The following WWP1 variants were observed in gnomAD, a reference collection of about 807,000 sequenced individuals.
WWP1 encodes NEDD4-like E3 ubiquitin-protein ligase WWP1.
Under a neutral mutation model 130.6 loss-of-function variants are expected in WWP1, and 49 were observed. That is an observed-to-expected ratio of 0.38 (90% CI 0.30 to 0.48). The LOEUF (loss-of-function observed/expected upper bound fraction) is 0.48, where lower values mean the gene tolerates loss of function less well. Ranked by LOEUF, WWP1 falls within the 20% of genes least tolerant of loss-of-function variation. The probability of loss-of-function intolerance (pLI) is 0.99; values close to 1 mark genes in which losing one functional copy is unlikely to be tolerated. For synonymous variants in WWP1, 332 were observed against 367.8 expected (o/e 0.90, Z 1.11); for missense variants, 809 against 1,100.6 (o/e 0.74, Z 3.75).
At position 86,342,630 on chromosome 8, in the gene WWP1, C is replaced by G. The variant is rs1784547478; in HGVS notation, c.-415C>G. On this transcript the variant is annotated 5_prime_UTR_variant, in exon 1 of 25. Transcript: ENST00000517970. ...CCGGCGGGGAGGCGCGCGCTTAGGG[C>G]GCGGCGCCGGCGACGCGGCCACGCG... 1 of 221,488 alleles carries G rather than the reference C, an allele frequency of 4.5e-6. No individual in the cohort carries two copies. Among genetic ancestry groups the G allele is most frequent in the Admixed American group, 5.9e-5 (1 of 16,888 alleles). 13.7% of individuals were successfully genotyped at this position (221,488 alleles called of 1,614,324 possible).
chr8:86,455,305 A>G lies in WWP1; in HGVS notation c.2395-2616A>G, dbSNP rs1040750443. On this transcript the variant is annotated intron_variant, in intron 21 of 24. Transcript: ENST00000517970. ...TGTCTACTCTTACCACTTCTATTCA[A>G]TATTTTACCAAATACCCTAGCCAGT... Among the ~76,000 whole-genome samples the G allele has an allele frequency of 3.9e-5, 6 of 152,106 alleles. No homozygotes were observed. The East Asian group carries it at 5.8e-4, about 15-fold the overall frequency.
chr8:86,434,585 TTTA>T (rs1279940383), intron 14 of WWP1, among the ~76,000 whole-genome samples: 2 of 152,228 alleles, frequency 1.3e-5, no homozygotes, highest in African/African-American at 4.8e-5. Flanking sequence ...CAATGCCTTT[TTTA>T]TTGTTTTATT....
At chr8:86,441,606 G>A (rs774230655) in intron 17 of WWP1, among the ~76,000 whole-genome samples, 5 of 129,006 alleles carry the variant, frequency 3.9e-5, no homozygotes, top group Non-Finnish European at 8.0e-5. Flanking sequence ...CTCATGTGGC[G>A]TCAGTGGGCT....
At position 86,457,931 on chromosome 8, in the gene WWP1, G is replaced by T; in HGVS notation, c.2405G>T (p.Cys802Phe). ...GTGCTCATTTCCCAGGTTATGTTGT[G>T]TGGCATGCAGGAGGTTGACTTGGCA... ...FDEKELEVML[C>F]GMQEVDLADW... Residue 802 changes from cysteine (C) to phenylalanine (F), a missense_variant, in exon 22 of 25, where the codon TGT becomes TTT. This residue lies in a region of WWP1 where 450 missense variants were observed against 674.2 expected (regional missense o/e 0.67). Transcript: ENST00000517970. The T allele has an allele frequency of 6.2e-7, 1 of 1,613,106 alleles. No individual in the cohort carries two copies. Among genetic ancestry groups the T allele is most frequent in the South Asian group, 1.1e-5 (1 of 91,026 alleles).
intron 17 of WWP1, among the ~76,000 whole-genome samples, chr8:86,440,153 A>G (rs1586467516): frequency 6.6e-6 from 1 of 152,228 alleles, no homozygotes; most frequent in African/African-American, 2.4e-5. Flanking sequence ...ATGAGGAAAT[A>G]TGGTATTTTT....
intron 14 of WWP1, 44 bp downstream of exon 14, chr8:86,431,787 G>C (rs760345148): frequency 6.2e-7 from 1 of 1,605,858 alleles, no homozygotes; most frequent in Non-Finnish European, 8.5e-7. Flanking sequence ...TGCTTAGTGA[G>C]CACATGAGAT....
At chr8:86,395,030 G>A (rs1442369539) in intron 5 of WWP1, among the ~76,000 whole-genome samples, 1 of 150,608 alleles carries the variant, frequency 6.6e-6, no homozygotes, top group Non-Finnish European at 1.5e-5. Flanking sequence ...ACCAATAGCA[G>A]ATTTAATGAT....
chr8:86,457,453 A>G (rs971730639), intron 21 of WWP1, among the ~76,000 whole-genome samples: 1 of 151,986 alleles, frequency 6.6e-6, no homozygotes, highest in African/African-American at 2.4e-5. Context: ...CTATCTATCT[A>G]TCTAGATATA....
chr8:86,438,460 G>A (rs1810415417), intron 16 of WWP1, 125 bp from the exon 17 acceptor site: 2 of 689,898 alleles, frequency 2.9e-6, no homozygotes, highest in African/African-American at 1.8e-5. Flanking sequence ...CATCTCTTGA[G>A]TTAAAAGCAT....
chr8:86,430,538 A>G (rs537889501), intron 11 of WWP1, among the ~76,000 whole-genome samples, 159 bp from the exon 12 acceptor site: 7 of 152,106 alleles, frequency 4.6e-5, no homozygotes, highest in Admixed American at 1.3e-4. Context: ...TGCCCTCCCA[A>G]GGTGCTGAGA....
At chr8:86,363,836 T>A (rs1823810894) in intron 1 of WWP1, among the ~76,000 whole-genome samples, 2 of 150,718 alleles carry the variant, frequency 1.3e-5, no homozygotes, top group South Asian at 4.2e-4. Flanking sequence ...GTGGTCTTGC[T>A]GATTTTATTT....
At chr8:86,355,229 T>C (rs1039370342) in intron 1 of WWP1, among the ~76,000 whole-genome samples, 2 of 152,162 alleles carry the variant, frequency 1.3e-5, no homozygotes, top group African/African-American at 2.4e-5. Context: ...TGTTTTGAGG[T>C]GAACATAACT....
At chr8:86,382,824 A>T (rs932260137) in intron 5 of WWP1, among the ~76,000 whole-genome samples, 4 of 152,250 alleles carry the variant, frequency 2.6e-5, no homozygotes, top group African/African-American at 9.6e-5. Flanking sequence ...TTCACTAAAA[A>T]TAGGCTCTTG....
At chr8:86,424,243 G>A (rs1341305740) in intron 9 of WWP1, among the ~76,000 whole-genome samples, 4 of 150,840 alleles carry the variant, frequency 2.7e-5, no homozygotes, top group Non-Finnish European at 5.9e-5. Flanking sequence ...CATCTCAGAC[G>A]ATGGGCGGCC....
At chr8:86,442,105 A>G (rs1285359342) in intron 17 of WWP1, among the ~76,000 whole-genome samples, 3 of 152,204 alleles carry the variant, frequency 2.0e-5, no homozygotes, top group Non-Finnish European at 2.9e-5. Flanking sequence ...GCAAATGTAT[A>G]TTAAAACCTG....
intron 4 of WWP1, among the ~76,000 whole-genome samples, chr8:86,381,091 C>G (rs1039568723): frequency 7.4e-6 from 1 of 135,768 alleles, no homozygotes; most frequent in African/African-American, 2.6e-5. Context: ...TTTTCTCTGA[C>G]TGTTTTGGTA....
chr8:86,419,747 G>A (rs936294292), intron 9 of WWP1, among the ~76,000 whole-genome samples: 3 of 133,226 alleles, frequency 2.3e-5, no homozygotes, highest in Non-Finnish European at 5.4e-5. Context: ...AAAAATCCAG[G>A]ATGATAAATG....
At chr8:86,378,034 C>T (rs1824771717) in intron 3 of WWP1, among the ~76,000 whole-genome samples, 1 of 152,026 alleles carries the variant, frequency 6.6e-6, no homozygotes, top group Non-Finnish European at 1.5e-5. Flanking sequence ...CTCTTTACTT[C>T]TCTTTTACAT....
chr8:86,353,515 C>T (rs555291579), intron 1 of WWP1, among the ~76,000 whole-genome samples: 6 of 151,540 alleles, frequency 4.0e-5, no homozygotes, highest in African/African-American at 7.3e-5. Context: ...TCTTCTGAGA[C>T]GGAGTCTCAC....
Sources: gnomAD v4.1 joint callset for allele counts (sites outside exome capture counted in the v4.1 genomes callset) on GRCh38, gnomAD v4.1.1 for gene constraint, gnomAD v4.1.1 regional missense constraint, MANE v1.5 for transcripts, NCBI Gene and HGNC (gene_info 2026-07-23, HGNC 2026-07-21) for gene names.